Variants in MSI2 observed in about 807,000 individuals in gnomAD.
MSI2 encodes musashi RNA binding protein 2.
Under a neutral mutation model 45.6 loss-of-function variants are expected in MSI2, and 17 were observed. That is an observed-to-expected ratio of 0.37 (90% confidence interval 0.26 to 0.56). The LOEUF (loss-of-function observed/expected upper bound fraction) is 0.56. Ranked by LOEUF, MSI2 falls within the 20% of genes least tolerant of loss-of-function variation. The pLI is 0.77. For missense variants in MSI2, 293 were observed against 444.2 expected, an observed-to-expected ratio of 0.66 and a Z score of 3.06; for synonymous variants, 156 against 158.2, an observed-to-expected ratio of 0.99 and a Z score of 0.11.
At chr17:57,461,061 C>G (rs1354052608) in intron 6 of MSI2, among the ~76,000 whole-genome samples, 1 of 152,196 alleles carries the variant, frequency 6.6e-6, no homozygotes, top group Non-Finnish European at 1.5e-5. Context: ...GGGCTGCAGT[C>G]TCCCCTTGTC....
chr17:57,391,386 A>G (rs920771817), intron 5 of MSI2, among the ~76,000 whole-genome samples: 1 of 152,168 alleles, frequency 6.6e-6, no homozygotes, highest in African/African-American at 2.4e-5. Context: ...GAGGCTCGGA[A>G]CTGTTAGGAG....
chr17:57,560,318 C>T (rs1897517179), intron 7 of MSI2, among the ~76,000 whole-genome samples: 1 of 152,056 alleles, frequency 6.6e-6, no homozygotes, highest in Non-Finnish European at 1.5e-5. Context: ...GCGCTAAGCC[C>T]CTCCACTGAA....
chr17:57,424,821 G>T (rs1167146182), intron 6 of MSI2, among the ~76,000 whole-genome samples: 3 of 152,150 alleles, frequency 2.0e-5, no homozygotes, highest in Non-Finnish European at 4.4e-5. Flanking sequence ...GACAGCCAGT[G>T]TCATCCCTTT....
At chr17:57,256,991 T>TCTCA in intron 1 of MSI2, 107 bp from the exon 2 acceptor site, 1 of 1,536,406 alleles carries the variant, frequency 6.5e-7, no homozygotes. Flanking sequence ...ACCTCCCGGC[T>TCTCA]CTCGCTCGCT....
chr17:57,351,036 A>T (rs792389), intron 5 of MSI2, among the ~76,000 whole-genome samples: 2,027 of 152,108 alleles, frequency 0.013, 42 homozygotes, highest in African/African-American at 0.046. Flanking sequence ...GCTGTTGTGG[A>T]GGTTCCCAAC....
chr17:57,657,704 A>G (rs547350582), intron 11 of MSI2, among the ~76,000 whole-genome samples: 2 of 152,326 alleles, frequency 1.3e-5, no homozygotes, highest in African/African-American at 4.8e-5. Flanking sequence ...CCCCACTGCT[A>G]GCCTCTGCCT....
intron 6 of MSI2, among the ~76,000 whole-genome samples, chr17:57,421,299 T>G (rs2084391102): frequency 1.3e-5 from 2 of 152,060 alleles, no homozygotes. Context: ...CACTGAGAGG[T>G]CATGTGATTA....
chr17:57,687,155 A>G (rs1025281051), downstream of MSI2, among the ~76,000 whole-genome samples: 2 of 151,082 alleles, frequency 1.3e-5, no homozygotes, highest in East Asian at 3.9e-4. Flanking sequence ...GAAAACACAC[A>G]TTATACCCAA....
intron 5 of MSI2, among the ~76,000 whole-genome samples, chr17:57,368,663 A>T (rs2083376282): frequency 6.6e-6 from 1 of 152,244 alleles, no homozygotes. Flanking sequence ...TAAGAGGGAA[A>T]AGGTGTCATG....
At chr17:57,581,770 A>G (rs1299942705) in intron 7 of MSI2, among the ~76,000 whole-genome samples, 1 of 152,228 alleles carries the variant, frequency 6.6e-6, no homozygotes, top group Non-Finnish European at 1.5e-5. Flanking sequence ...TGATCTGTGA[A>G]TGTATTAATC....
intron 6 of MSI2, among the ~76,000 whole-genome samples, chr17:57,508,094 C>T (rs1429717326): frequency 4.0e-5 from 6 of 151,530 alleles, no homozygotes; most frequent in Non-Finnish European, 7.4e-5. Context: ...CCTTTTAAAA[C>T]TCCTGCTGCA....
intron 7 of MSI2, among the ~76,000 whole-genome samples, chr17:57,592,452 G>A (rs1904929602): frequency 6.6e-6 from 1 of 152,146 alleles, no homozygotes; most frequent in Admixed American, 6.5e-5. Context: ...ATAATTAAGT[G>A]TTCTGTTGCT....
intron 5 of MSI2, among the ~76,000 whole-genome samples, chr17:57,327,050 C>T (rs1913856582): frequency 6.6e-6 from 1 of 152,172 alleles, no homozygotes; most frequent in South Asian, 2.1e-4. Context: ...TCGGTACTTA[C>T]AGAAACAGAC....
At chr17:57,302,155 G>A (rs1911469582) in intron 5 of MSI2, among the ~76,000 whole-genome samples, 1 of 152,064 alleles carries the variant, frequency 6.6e-6, no homozygotes, top group South Asian at 2.1e-4. Flanking sequence ...GGGTACATAC[G>A]ATATTTTGAT....
intron 5 of MSI2, among the ~76,000 whole-genome samples, chr17:57,379,894 G>GT (rs2083570054): frequency 6.6e-6 from 1 of 151,750 alleles, no homozygotes; most frequent in South Asian, 2.1e-4. Context: ...ACTTCTCTTT[G>GT]TTTTTTGGCC....
At chr17:57,464,850 G>A (rs1379634555) in intron 6 of MSI2, among the ~76,000 whole-genome samples, 1 of 152,208 alleles carries the variant, frequency 6.6e-6, no homozygotes, top group African/African-American at 2.4e-5. Flanking sequence ...GTTCTGAGTT[G>A]AAAACGGTCC....
Position 57,396,015 on chromosome 17 carries a change from G to A in MSI2, c.313-5364G>A, listed in dbSNP as rs530766829. ...ATCTTTCCTGGGCTTTCTCCACCTT[G>A]GGGTTCCCACAGATGAGGCATCATC... On this transcript the variant is annotated intron_variant, in intron 5 of 13. Coordinates refer to ENST00000284073, the MANE Select transcript of MSI2 (RefSeq NM_138962.4). 1.8e-3 allele frequency among the ~76,000 whole-genome samples: 275 copies of A among 152,320 alleles called. 1 individual carries two copies. Among genetic ancestry groups the A allele is most frequent in the African/African-American group, 6.3e-3 (261 of 41,576 alleles).
At chr17:57,599,053 G>A (rs184089932) in intron 8 of MSI2, among the ~76,000 whole-genome samples, 76 of 152,332 alleles carry the variant, frequency 5.0e-4, no homozygotes, top group African/African-American at 1.7e-3. Flanking sequence ...GCCAGAGCAC[G>A]CCATTGACAG....
At position 57,616,066 on chromosome 17, in the gene MSI2, C is replaced by G; in HGVS notation, c.634C>G (p.Leu212Val). The change falls in exon 9 of 14, where the codon CTT becomes GTT. Residue 212 changes from leucine (L) to valine (V), a missense_variant. By Grantham distance (32) the Leu-to-Val change is conservative (BLOSUM62 1). Coordinates refer to ENST00000284073, the MANE Select transcript of MSI2 (RefSeq NM_138962.4). ...GCCTTACACCATGGACGCGTTCATG[C>G]TTGGCATGGGGATGCTGGGTGAGTC... ...GLPYTMDAFM[L>V]GMGMLGYPNF... 6.2e-7 allele frequency: 1 copy of G among 1,613,688 alleles called. No homozygotes were observed. Among genetic ancestry groups the G allele is most frequent in the Non-Finnish European group, 8.5e-7 (1 of 1,179,666 alleles).
Sources: allele counts gnomAD v4.1 joint callset (sites outside exome capture counted in the v4.1 genomes callset), GRCh38; gene constraint gnomAD v4.1.1; transcripts MANE v1.5; gene names NCBI Gene and HGNC (gene_info 2026-07-23, HGNC 2026-07-21).